The following UGT1A5 variants were observed in gnomAD, a reference collection of about 807,000 sequenced individuals.
UGT1A5 encodes the protein UDP glucuronosyltransferase family 1 member A5.
A neutral mutation model predicts 40.3 loss-of-function variants in UGT1A5; 29 were observed. The observed-to-expected ratio is 0.72, with a 90% CI of 0.54 to 0.98. The LOEUF (loss-of-function observed/expected upper bound fraction) is 0.98. UGT1A5 is among the 50% of genes least tolerant of loss of function. UGT1A5 has a pLI of 0.00. For missense variants in UGT1A5, 678 were observed against 677.9 expected, an observed-to-expected ratio of 1.00 and a Z score of 0.00; for synonymous variants, 257 against 262.5, an observed-to-expected ratio of 0.98 and a Z score of 0.20.
intron 1 of UGT1A5, chr2:233,754,915 G>A (rs747609109): frequency 3.0e-6 from 4 of 1,353,928 alleles, no homozygotes; most frequent in Admixed American, 1.9e-5. Context: ...ATATTCTCCA[G>A]CGGGTTTCCC....
At chr2:233,753,320 G>A (rs1197807028) in intron 1 of UGT1A5, 1 of 152,228 alleles carries the variant, frequency 6.6e-6, no homozygotes, top group Non-Finnish European at 1.5e-5. Context: ...CTGTGGGATG[G>A]TGCCAGCTGA....
At chr2:233,718,963 T>C (rs138086321) in intron 1 of UGT1A5, 288 of 1,614,194 alleles carry the variant, frequency 1.8e-4, no homozygotes, top group South Asian at 4.9e-4. Context: ...CGGGAGGCCT[T>C]GCGGGAGCTC....
chr2:233,765,361 G>A (rs1166048656), intron 1 of UGT1A5, among the ~76,000 whole-genome samples: 1 of 152,180 alleles, frequency 6.6e-6, no homozygotes, highest in Non-Finnish European at 1.5e-5. Context: ...CAACCCAGAT[G>A]CCCATCAATG....
In UGT1A5 at chr2:233,772,418, T is replaced by C. The variant is rs768461412; in HGVS notation, c.1464T>C (p.His488=). The change falls in exon 5 of 5, where the codon CAT becomes CAC. Residue 488 remains histidine (H), a synonymous_variant. Transcript: ENST00000373414. ...ACGACCTCACCTGGTACCAGTACCA[T>C]TCCTTGGACGTGATTGGTTTCCTCT... ...AAHDLTWYQY[H]SLDVIGFLLA... 3 of 1,614,060 alleles carry C rather than the reference T, an allele frequency of 1.9e-6. No individual in the cohort carries two copies. In the Admixed American group the frequency reaches 5.0e-5, roughly 27 times the overall value.
chr2:233,719,924 C>T (rs1442690759), intron 1 of UGT1A5, among the ~76,000 whole-genome samples: 2 of 152,124 alleles, frequency 1.3e-5, no homozygotes, highest in Admixed American at 6.5e-5. Context: ...CTGTGACTCA[C>T]GGACAGTGTT....
chr2:233,758,878 C>A (rs1575761639), intron 1 of UGT1A5, among the ~76,000 whole-genome samples: 1 of 152,186 alleles, frequency 6.6e-6, no homozygotes, highest in East Asian at 1.9e-4. Context: ...CCCCATAGTC[C>A]ATGGTCAATA....
chr2:233,760,502 C>T (rs534361076), intron 1 of UGT1A5: 2 of 1,614,242 alleles, frequency 1.2e-6, no homozygotes, highest in Non-Finnish European at 1.7e-6. Flanking sequence ...AGAGACGGAG[C>T]ATTTTACACC....
In UGT1A5 at chr2:233,729,706, A is replaced by G. The variant is rs765358278; in HGVS notation, c.867+15848A>G. 8 of 1,613,874 alleles carry G rather than the reference A, an allele frequency of 5.0e-6. No homozygotes were observed. The East Asian group carries it at 1.6e-4, about 31-fold the overall frequency. ...ACAGTGTCCAAACCCTTCCTCCTAT[A>G]TTCCTAGATTACTAACAACCAATTC... On this transcript the variant is annotated intron_variant, in intron 1 of 4. Transcript: ENST00000373414.
intron 1 of UGT1A5, among the ~76,000 whole-genome samples, chr2:233,726,792 T>G (rs1032165047): frequency 1.3e-5 from 2 of 152,238 alleles, no homozygotes; most frequent in Admixed American, 1.3e-4. Flanking sequence ...CCACATCTTA[T>G]TCAAGGCTTG....
At chr2:233,757,130 G>A (rs368401609) in intron 1 of UGT1A5, among the ~76,000 whole-genome samples, 1 of 151,410 alleles carries the variant, frequency 6.6e-6, no homozygotes, top group African/African-American at 2.4e-5. Context: ...GAGGAGGAAT[G>A]AGCTTGGACA....
In UGT1A5 at chr2:233,728,656, G is replaced by C. The variant is rs187762667; in HGVS notation, c.867+14798G>C. Among the ~76,000 whole-genome samples, 9 of 152,298 alleles carry C rather than the reference G, an allele frequency of 5.9e-5. No homozygotes were observed. In the East Asian group the frequency reaches 1.4e-3, roughly 23 times the overall value. On this transcript the variant is annotated intron_variant, in intron 1 of 4. Coordinates refer to ENST00000373414, the MANE Select transcript of UGT1A5 (RefSeq NM_019078.2). ...GCAATGTTGTATGGTTTTTGGATGC[G>C]CTGCGTTACTCATACATGAGAAGAA...
intron 4 of UGT1A5, among the ~76,000 whole-genome samples, chr2:233,771,927 C>A (rs1388593829): frequency 6.6e-6 from 1 of 152,006 alleles, no homozygotes; most frequent in African/African-American, 2.4e-5. Context: ...ACAGCCTGGG[C>A]AACACAATAA....
chr2:233,755,331 G>A (rs568550751), intron 1 of UGT1A5: 25 of 462,098 alleles, frequency 5.4e-5, no homozygotes, highest in Admixed American at 1.1e-4. Flanking sequence ...GCCAGCACCC[G>A]CGCACAGGTC....
rs1254304358 is a variant in UGT1A5 at position 233,743,239 on chromosome 2, C to G, written c.868-23795C>G. The stretch of plus-strand genomic sequence containing the variant: ...GCTCTTTGCTATTTATTATGAAGGA[C>G]TTTAACTCAACTCTCCATCTTCCTC... On this transcript the variant is annotated intron_variant, in intron 1 of 4. Coordinates refer to ENST00000373414, the MANE Select transcript of UGT1A5 (RefSeq NM_019078.2). The G allele has an allele frequency of 1.4e-5, 6 of 424,156 alleles. No individual in the cohort carries two copies. The East Asian group carries it at 4.3e-4, about 30-fold the overall frequency. 26.3% of individuals were successfully genotyped at this position (424,156 alleles called of 1,614,324 possible).
Position 233,754,866 on chromosome 2 carries a change from C to G in UGT1A5, c.868-12168C>G, listed in dbSNP as rs1321579990. 5 of 1,351,528 alleles carry G rather than the reference C, an allele frequency of 3.7e-6. No homozygotes were observed. In the South Asian group the frequency reaches 5.7e-5, roughly 15 times the overall value. 83.7% of individuals were successfully genotyped at this position (1,351,528 alleles called of 1,614,324 possible). On this transcript the variant is annotated intron_variant, in intron 1 of 4. Transcript: ENST00000373414. ...GGCAGAGAAAAGGGGTGCAGACCCT[C>G]TGCTTCTGCTTCCCAGGGAGTTCCT...
rs763499114 is a variant in UGT1A5, at chr2:233,713,514, A to T, written c.523A>T (p.Asn175Tyr). Residue 175 changes from asparagine (N) to tyrosine (Y), a missense_variant, in exon 1 of 5, where the codon AAC (asparagine) becomes TAC (tyrosine). Transcript: ENST00000373414. ...LSIPAVFFLR[N>Y]IPCDLDFKGT... Reference sequence around the variant, plus strand: ...GATTCCTGCTGTGTTTTTCTTGAGGAACATTCCATGTGATTTAGACTTTAA... The same window carrying T: ...GATTCCTGCTGTGTTTTTCTTGAGGTACATTCCATGTGATTTAGACTTTAA... The T allele has an allele frequency of 2.8e-5, 45 of 1,613,790 alleles. No individual in the cohort carries two copies. The highest frequency in any genetic ancestry group is 5.0e-5 in the Admixed American group (3 of 59,976).
intron 1 of UGT1A5, among the ~76,000 whole-genome samples, chr2:233,724,579 G>A (rs1401328538): frequency 7.9e-6 from 1 of 126,878 alleles, no homozygotes; most frequent in Non-Finnish European, 1.6e-5. Context: ...GGGCAGAGGC[G>A]CTCCCCACAT....
At chr2:233,751,514 C>T (rs1694746384) in intron 1 of UGT1A5, among the ~76,000 whole-genome samples, 1 of 152,154 alleles carries the variant, frequency 6.6e-6, no homozygotes, top group Non-Finnish European at 1.5e-5. Context: ...GGCCAGAGGG[C>T]AGAATGATAT....
At chr2:233,752,137 C>T (rs1694900584) in intron 1 of UGT1A5, among the ~76,000 whole-genome samples, 1 of 152,200 alleles carries the variant, frequency 6.6e-6, no homozygotes, top group Non-Finnish European at 1.5e-5. Flanking sequence ...CAGAAAGGAT[C>T]ATTCCCTCTT....
Sources: gnomAD v4.1 joint callset for allele counts (sites outside exome capture counted in the v4.1 genomes callset) on GRCh38, gnomAD v4.1.1 for gene constraint, MANE v1.5 for transcripts, NCBI Gene and HGNC (gene_info 2026-07-23, HGNC 2026-07-21) for gene names.